Variants in CELF2 observed in about 807,000 individuals in gnomAD.
CELF2 encodes CUGBP Elav-like family member 2.
A neutral mutation model predicts 62.6 loss-of-function variants in CELF2; 8 were observed. The observed-to-expected ratio is 0.13, with a 90% confidence interval of 0.07 to 0.23. The LOEUF (loss-of-function observed/expected upper bound fraction) is 0.23, where lower values mean the gene tolerates loss of function less well. Ranked by LOEUF, CELF2 falls within the 10% of genes least tolerant of loss-of-function variation. The pLI, the probability that CELF2 is intolerant of heterozygous loss-of-function variation, is 1.00. For missense variants in CELF2, 333 were observed against 671.0 expected (o/e 0.50, Z 5.56); for synonymous variants, 258 against 250.0 (o/e 1.03, Z -0.30).
At chr10:10,489,605 A>G in the CELF2 span, among the ~76,000 whole-genome samples, 1 of 152,140 alleles carries the variant, frequency 6.6e-6, no homozygotes. Context: ...AAAAATAGCA[A>G]CTGCAACTAC....
chr10:11,018,193 G>A, intron 1 of CELF2, 30 bp downstream of exon 1: 1 of 1,498,842 alleles, frequency 6.7e-7, no homozygotes, highest in East Asian at 3.0e-5. Flanking sequence ...GAGGCCGGGC[G>A]AGCGGGCGTC....
At chr10:10,468,948 G>A in the CELF2 span, among the ~76,000 whole-genome samples, 1 of 151,720 alleles carries the variant, frequency 6.6e-6, no homozygotes, top group African/African-American at 2.4e-5. Flanking sequence ...TCCTTTGTAT[G>A]CCTCAAACTA....
chr10:10,738,705 CT>C, the CELF2 span, among the ~76,000 whole-genome samples: 3 of 152,102 alleles, frequency 2.0e-5, no homozygotes, highest in Admixed American at 6.6e-5. Context: ...CTGACTAGTT[CT>C]TCTTAAAATC....
chr10:11,314,462 A>G lies in CELF2; in HGVS notation c.1096+204A>G. The G allele has an allele frequency of 1.5e-6, 1 of 668,188 alleles. No individual in the cohort carries two copies. The allele number at this position is 668,188 out of a possible 1,614,324, so 41.4% of individuals were successfully genotyped here. A position where few individuals can be genotyped will look rare whatever the true frequency, so the allele number is the denominator to read the frequency against. ...AAATCCCCAACCACTCTCCACCCCCAGATTCTCTTCAGTGTGTAGCACAGC... is the reference window on the plus strand; with the variant it reads ...AAATCCCCAACCACTCTCCACCCCCGGATTCTCTTCAGTGTGTAGCACAGC... On this transcript the variant is annotated intron_variant, in intron 10 of 12. Coordinates refer to ENST00000633077, the MANE Select transcript of CELF2 (RefSeq NM_001326342.2). This position sits in a 1 kb window ranked among gnomAD's most constrained non-coding sequence, Gnocchi z 5.3.
chr10:10,773,434 A>G, the CELF2 span, among the ~76,000 whole-genome samples: 1 of 152,232 alleles, frequency 6.6e-6, no homozygotes, highest in African/African-American at 2.4e-5. Flanking sequence ...GGTTTGATTT[A>G]ATTATAACAT....
chr10:10,677,113 T>A, the CELF2 span, among the ~76,000 whole-genome samples: 20 of 152,308 alleles, frequency 1.3e-4, no homozygotes, highest in African/African-American at 4.8e-4. Context: ...CAATGTATAG[T>A]CTGCAGAGAG....
At chr10:10,562,818 C>T in the CELF2 span, among the ~76,000 whole-genome samples, 1 of 149,862 alleles carries the variant, frequency 6.7e-6, no homozygotes. Context: ...TACCTCCCTG[C>T]CCTCCACAGC....
At chr10:10,678,833 C>T in the CELF2 span, among the ~76,000 whole-genome samples, 1 of 152,140 alleles carries the variant, frequency 6.6e-6, no homozygotes, top group African/African-American at 2.4e-5. Flanking sequence ...GGGATCTGAG[C>T]TTTCGAAGTC....
the CELF2 span, among the ~76,000 whole-genome samples, chr10:10,707,985 C>T: frequency 8.5e-5 from 13 of 152,148 alleles, no homozygotes; most frequent in Middle Eastern, 3.4e-3. Flanking sequence ...ATTATCAATG[C>T]AAGTTAAAAT....
intron 1 of CELF2, among the ~76,000 whole-genome samples, chr10:10,843,718 G>A (rs2058831415): frequency 1.3e-5 from 2 of 151,964 alleles, no homozygotes; most frequent in East Asian, 3.9e-4. Context: ...TATCCTTATC[G>A]ATTTTATGCC....
At chr10:10,650,177 G>A in the CELF2 span, among the ~76,000 whole-genome samples, 1 of 152,254 alleles carries the variant, frequency 6.6e-6, no homozygotes, top group African/African-American at 2.4e-5. Flanking sequence ...CCTCATTTGA[G>A]ACAATCGAGG....
chr10:11,213,070 C>A (rs1311838987), intron 2 of CELF2, among the ~76,000 whole-genome samples: 7 of 151,780 alleles, frequency 4.6e-5, no homozygotes. Context: ...CTGTGCTGAT[C>A]CCCAGAGCCC....
chr10:10,647,424 A>G, the CELF2 span, among the ~76,000 whole-genome samples: 1 of 152,256 alleles, frequency 6.6e-6, no homozygotes, highest in Non-Finnish European at 1.5e-5. Context: ...TAAATGAAAG[A>G]CAATTTGCAA....
At chr10:11,310,259 C>G (rs377559260) in intron 9 of CELF2, among the ~76,000 whole-genome samples, 1 of 152,260 alleles carries the variant, frequency 6.6e-6, no homozygotes, top group Non-Finnish European at 1.5e-5. Flanking sequence ...TGGGAGAAAC[C>G]ATAACCCTGT....
chr10:11,227,728 G>C lies in CELF2; in HGVS notation c.354+10221G>C, dbSNP rs530902275. Among the ~76,000 whole-genome samples the C allele has an allele frequency of 6.6e-6, 1 of 152,184 alleles. No individual in the cohort carries two copies. Among genetic ancestry groups the C allele is most frequent in the African/African-American group, 2.4e-5 (1 of 41,452 alleles). On this transcript the variant is annotated intron_variant, in intron 3 of 12. Transcript: ENST00000633077. The surrounding 1 kb of genome is among the most constrained non-coding windows in gnomAD (Gnocchi z 4.8). ...ATGTCATGGTGGCCTCTGGCAGCTT[G>C]GGTTAGACCAGGTGGTTATTTGCCA... is the stretch of plus-strand genomic sequence containing the variant.
intron 1 of CELF2, among the ~76,000 whole-genome samples, chr10:11,082,020 T>G (rs2074156190): frequency 6.6e-6 from 1 of 152,214 alleles, no homozygotes; most frequent in African/African-American, 2.4e-5. Flanking sequence ...CCTGTCACTT[T>G]GGCCAGTTTA....
chr10:11,207,007 C>T lies in CELF2; in HGVS notation c.272-10418C>T. On this transcript the variant is annotated intron_variant, in intron 2 of 12. Transcript: ENST00000633077. This position sits in a 1 kb window ranked among gnomAD's most constrained non-coding sequence, Gnocchi z 4.1. ...GGATGATGCTGAAATTCTTCCAATG[C>T]TTTCATAGCTATTAGACAATTGAAA... Among the ~76,000 whole-genome samples, 1 of 152,236 alleles carries T rather than the reference C, an allele frequency of 6.6e-6. No homozygotes were observed.
At chr10:10,871,066 C>G (rs1473738) in intron 1 of CELF2, among the ~76,000 whole-genome samples, 1 of 152,032 alleles carries the variant, frequency 6.6e-6, no homozygotes, top group Non-Finnish European at 1.5e-5. Context: ...AGTCAAGATG[C>G]AGATTTAATT....
In CELF2 at chr10:11,223,888, A is replaced by G. The variant is rs1589341737; in HGVS notation, c.354+6381A>G. Reference sequence around the variant, plus strand: ...GAAAGTATATTTTAATGCTTAATAAAAGGCCATTACAAATTGTCTATTTCA... The same window carrying G: ...GAAAGTATATTTTAATGCTTAATAAGAGGCCATTACAAATTGTCTATTTCA... On this transcript the variant is annotated intron_variant, in intron 3 of 12. Transcript: ENST00000633077. The surrounding 1 kb of genome is among the most constrained non-coding windows in gnomAD (Gnocchi z 5.1). Among the ~76,000 whole-genome samples the G allele has an allele frequency of 6.6e-6, 1 of 152,238 alleles. No homozygotes were observed.
Sources: gnomAD v4.1 joint callset for allele counts (sites outside exome capture counted in the v4.1 genomes callset) on GRCh38, gnomAD v4.1.1 for gene constraint, Gnocchi (gnomAD v3.1) non-coding constraint, MANE v1.5 for transcripts, NCBI Gene and HGNC (gene_info 2026-07-23, HGNC 2026-07-21) for gene names.